Variants in ITPK1 observed in about 807,000 individuals in gnomAD.
ITPK1 encodes inositol 1,3,4-trisphosphate 5/6-kinase.
In ITPK1, 21 loss-of-function variants were observed where a neutral mutation model predicts 45.3. The ratio of observed to expected loss-of-function variants is 0.46; its 90% confidence interval spans 0.33 to 0.67. The LOEUF (loss-of-function observed/expected upper bound fraction) is 0.67, where lower values mean the gene tolerates loss of function less well. ITPK1 is among the 30% of genes least tolerant of loss of function. ITPK1 has a pLI of 0.02. For synonymous variants in ITPK1, 258 were observed against 253.6 expected (o/e 1.02, Z -0.16); for missense variants, 474 against 573.5 (o/e 0.83, Z 1.77).
chr14:92,966,466 GAC>G (rs1438671807), intron 5 of ITPK1, among the ~76,000 whole-genome samples: 1 of 152,198 alleles, frequency 6.6e-6, no homozygotes, highest in African/African-American at 2.4e-5. Context: ...TAAATGGAAA[GAC>G]ACACAAGGCT....
intron 7 of ITPK1, among the ~76,000 whole-genome samples, chr14:92,959,222 G>C (rs537451750): frequency 6.6e-6 from 1 of 152,348 alleles, no homozygotes; most frequent in East Asian, 1.9e-4. Context: ...GGACAGAGGG[G>C]TGGGCCCTAG....
intron 2 of ITPK1, among the ~76,000 whole-genome samples, chr14:93,094,239 T>C (rs984611739): frequency 3.3e-5 from 5 of 152,182 alleles, no homozygotes; most frequent in African/African-American, 1.2e-4. Context: ...GGACAGACAC[T>C]GGCAGGTGGC....
intron 4 of ITPK1, among the ~76,000 whole-genome samples, chr14:92,994,875 G>C (rs867607035): frequency 2.0e-5 from 3 of 152,314 alleles, no homozygotes; most frequent in Middle Eastern, 6.8e-3. Flanking sequence ...AAGGAAACAG[G>C]GTCTTTGTGG....
chr14:93,099,482 G>C (rs1892224464), intron 2 of ITPK1, among the ~76,000 whole-genome samples: 1 of 152,178 alleles, frequency 6.6e-6, no homozygotes, highest in Admixed American at 6.5e-5. Flanking sequence ...TCCTTCTCCA[G>C]GAACTCAGGC....
Position 92,940,284 on chromosome 14 carries a change from G to A in ITPK1, c.*1277C>T. The A allele has an allele frequency of 2.0e-6, 2 of 988,382 alleles. No homozygotes were observed. The highest frequency in any genetic ancestry group is 2.4e-6 in the Non-Finnish European group (2 of 831,782). 61.2% of individuals were successfully genotyped at this position (988,382 alleles called of 1,614,324 possible). A position where few individuals can be genotyped will look rare whatever the true frequency, so the allele number is the denominator to read the frequency against. The stretch of plus-strand genomic sequence containing the variant: ...TTAAGACACAAAAACATACTTGTGG[G>A]GGCTGATGCCTCTCACCCAGCACCC... On this transcript the variant is annotated 3_prime_UTR_variant, in exon 11 of 11. Coordinates refer to ENST00000267615, the MANE Select transcript of ITPK1 (RefSeq NM_014216.6).
At position 92,938,610 on chromosome 14, in the gene ITPK1, A is replaced by G; in HGVS notation, c.*2951T>C. The G allele has an allele frequency of 8.5e-7, 1 of 1,173,568 alleles. No individual in the cohort carries two copies. Among genetic ancestry groups the G allele is most frequent in the Non-Finnish European group, 1.3e-6 (1 of 792,318 alleles). 72.7% of individuals were successfully genotyped at this position (1,173,568 alleles called of 1,614,324 possible). On this transcript the variant is annotated 3_prime_UTR_variant, in exon 11 of 11. Transcript: ENST00000267615. ...GACACAGGCAGGCCCAGGCACAGGA[A>G]GCCCCATGGAACCTGCCAGGTTGCA...
At chr14:92,968,798 C>T (rs1885504341) in intron 5 of ITPK1, among the ~76,000 whole-genome samples, 1 of 152,240 alleles carries the variant, frequency 6.6e-6, no homozygotes, top group Admixed American at 6.5e-5. Context: ...GCGGCAGACA[C>T]ACCGGCTGCC....
At chr14:93,041,134 T>C (rs1889546843) in intron 3 of ITPK1, among the ~76,000 whole-genome samples, 1 of 152,172 alleles carries the variant, frequency 6.6e-6, no homozygotes, top group Admixed American at 6.5e-5. Flanking sequence ...GGCGCTGTCC[T>C]CAACCATTTA....
intron 3 of ITPK1, among the ~76,000 whole-genome samples, chr14:93,027,154 C>G (rs1448583185): frequency 6.6e-6 from 1 of 152,214 alleles, no homozygotes; most frequent in Non-Finnish European, 1.5e-5. Context: ...GTCAGAGTGG[C>G]AGCCACCACA....
At chr14:93,023,129 C>T (rs1476559312) in intron 3 of ITPK1, among the ~76,000 whole-genome samples, 4 of 152,218 alleles carry the variant, frequency 2.6e-5, no homozygotes, top group African/African-American at 9.6e-5. Context: ...ATCTGCCCGC[C>T]TTGGCCTCCC....
chr14:93,080,528 G>A (rs548958298), intron 2 of ITPK1, among the ~76,000 whole-genome samples: 9 of 152,330 alleles, frequency 5.9e-5, no homozygotes, highest in African/African-American at 1.9e-4. Context: ...GATGCCTGCA[G>A]TGGGGACCAC....
intron 3 of ITPK1, among the ~76,000 whole-genome samples, chr14:93,052,391 A>G (rs1052926559): frequency 2.6e-5 from 4 of 152,180 alleles, no homozygotes; most frequent in Admixed American, 2.6e-4. Flanking sequence ...GACGCCAGGC[A>G]TCTAGGGCGG....
intron 3 of ITPK1, among the ~76,000 whole-genome samples, chr14:93,047,014 G>C (rs1409252358): frequency 1.3e-5 from 2 of 152,202 alleles, no homozygotes; most frequent in Non-Finnish European, 2.9e-5. Flanking sequence ...CCCTCCTGCA[G>C]AGTTAAAGAA....
intron 3 of ITPK1, among the ~76,000 whole-genome samples, chr14:93,042,652 T>A (rs540970872): frequency 7.2e-5 from 11 of 152,226 alleles, no homozygotes; most frequent in Non-Finnish European, 1.3e-4. Context: ...GTGGGGTGGC[T>A]GCAGCGCTCA....
Position 92,940,863 on chromosome 14 carries a change from C to G in ITPK1, c.*698G>C. On this transcript the variant is annotated 3_prime_UTR_variant, in exon 11 of 11. Coordinates refer to ENST00000267615, the MANE Select transcript of ITPK1 (RefSeq NM_014216.6). ...GCAGTGCTGGCTTAGGGGAAGGAGA[C>G]CGCTGTGCAGGGCTAAATGGGACGT... The G allele has an allele frequency of 7.8e-7, 1 of 1,288,634 alleles. No homozygotes were observed. Among genetic ancestry groups the G allele is most frequent in the Non-Finnish European group, 1.0e-6 (1 of 988,660 alleles). 79.8% of individuals were successfully genotyped at this position (1,288,634 alleles called of 1,614,324 possible). A position where few individuals can be genotyped will look rare whatever the true frequency, so the allele number is the denominator to read the frequency against.
At chr14:93,002,856 G>C (rs1332563924) in intron 4 of ITPK1, among the ~76,000 whole-genome samples, 1 of 152,162 alleles carries the variant, frequency 6.6e-6, no homozygotes, top group Non-Finnish European at 1.5e-5. Context: ...CCTTTCCACT[G>C]TTCCTCCCAA....
intron 5 of ITPK1, among the ~76,000 whole-genome samples, chr14:92,964,938 T>C (rs1885268127): frequency 2.0e-5 from 3 of 152,202 alleles, no homozygotes; most frequent in Admixed American, 6.5e-5. Flanking sequence ...AGTAACTCAT[T>C]TACCCTCATA....
rs369309015 is a variant in ITPK1 at position 92,938,178 on chromosome 14, T to G, written c.*3383A>C. ...TTTCACCATGTTGGCCAGGATGGTG[T>G]CGATCTCTTGACCTTGTGATCCACC... On this transcript the variant is annotated 3_prime_UTR_variant, in exon 11 of 11. Transcript: ENST00000267615. 60 of 470,234 alleles carry G rather than the reference T, an allele frequency of 1.3e-4. No individual in the cohort carries two copies. Among genetic ancestry groups the G allele is most frequent in the East Asian group, 9.3e-4 (24 of 25,680 alleles). 29.1% of individuals were successfully genotyped at this position (470,234 alleles called of 1,614,324 possible). A position where few individuals can be genotyped will look rare whatever the true frequency, so the allele number is the denominator to read the frequency against.
chr14:92,990,040 GA>G, intron 5 of ITPK1, among the ~76,000 whole-genome samples: 1 of 152,326 alleles, frequency 6.6e-6, no homozygotes, highest in Non-Finnish European at 1.5e-5. Context: ...TGTCTTGGAA[GA>G]CTGCTAATGC....
Sources: gnomAD v4.1 joint callset for allele counts (sites outside exome capture counted in the v4.1 genomes callset) on GRCh38, gnomAD v4.1.1 for gene constraint, MANE v1.5 for transcripts, NCBI Gene and HGNC (gene_info 2026-07-23, HGNC 2026-07-21) for gene names.